The following RIOK2 variants were observed in gnomAD, a reference collection of about 807,000 sequenced individuals.
RIOK2 encodes RIO kinase 2.
A neutral mutation model predicts 62.4 loss-of-function variants in RIOK2; 46 were observed. That is an observed-to-expected ratio of 0.74 (90% CI 0.58 to 0.94). The LOEUF is 0.94. Among genes scored for constraint, RIOK2 ranks in the 40% least tolerant of loss-of-function variants. RIOK2 has a pLI of 0.00. For synonymous variants in RIOK2, 197 were observed against 216.0 expected (o/e 0.91, Z 0.77); for missense variants, 574 against 658.0 (o/e 0.87, Z 1.40).
At chr5:97,174,751 CT>C (rs1247487396) in intron 4 of RIOK2, among the ~76,000 whole-genome samples, 1 of 152,088 alleles carries the variant, frequency 6.6e-6, no homozygotes, top group East Asian at 1.9e-4. Flanking sequence ...ACTGAAGTTT[CT>C]CTAAATTCAG....
rs750021647 is a variant in RIOK2 at position 97,177,105 on chromosome 5, AAAAT to A, written c.498+7_498+10del. 6.2e-7 allele frequency: 1 copy of A among 1,603,588 alleles called. No individual in the cohort carries two copies. The highest frequency in any genetic ancestry group is 2.2e-5 in the East Asian group (1 of 44,740). On this transcript the variant is annotated splice_region_variant and intron_variant, in intron 4 of 9. Transcript: ENST00000283109. ...GCTAAAAAATGCATGACTACAAAAT[AAAAT>A]AAATACCTTCATATAGGCAAATTCC...
chr5:97,167,957 T>C lies in RIOK2; in HGVS notation c.907A>G (p.Ser303Gly). 6.2e-7 allele frequency: 1 copy of C among 1,604,372 alleles called. No individual in the cohort carries two copies. The highest frequency in any genetic ancestry group is 8.5e-7 in the Non-Finnish European group (1 of 1,179,548). ...GCCTGCATTTCCTTTGTGTAGCCACTGGCAGAAACCTCCACATCAAGAGTG... is the reference window on the plus strand; with the variant it reads ...GCCTGCATTTCCTTTGTGTAGCCACCGGCAGAAACCTCCACATCAAGAGTG... The part of the protein sequence containing the change: ...EDTLDVEVSA[S>G]GYTKEMQADD... Residue 303 changes from serine (S) to glycine (G), a missense_variant, in exon 8 of 10, where the codon AGT (serine) becomes GGT (glycine). Physicochemically the swap from Ser to Gly is moderately conservative, Grantham distance 56. Coordinates refer to ENST00000283109, the MANE Select transcript of RIOK2 (RefSeq NM_018343.3).
intron 1 of RIOK2, among the ~76,000 whole-genome samples, chr5:97,182,381 T>C (rs1396239648): frequency 1.3e-5 from 2 of 152,212 alleles, no homozygotes; most frequent in Non-Finnish European, 2.9e-5. Context: ...CTCAAGGCCT[T>C]TGCACTTACT....
At chr5:97,171,444 G>C in intron 5 of RIOK2, 47 bp from the exon 6 acceptor site, 2 of 1,352,234 alleles carry the variant, frequency 1.5e-6, no homozygotes, top group Non-Finnish European at 2.0e-6. Context: ...GTTCATTTAC[G>C]GTTTTAACGA....
intron 9 of RIOK2, among the ~76,000 whole-genome samples, chr5:97,163,573 G>C (rs1291931887): frequency 6.6e-6 from 1 of 152,132 alleles, no homozygotes; most frequent in Non-Finnish European, 1.5e-5. Flanking sequence ...ATTTTTGAAA[G>C]CATTCAGTAT....
At chr5:97,174,674 A>G (rs1013878980) in intron 4 of RIOK2, among the ~76,000 whole-genome samples, 1 of 151,980 alleles carries the variant, frequency 6.6e-6, no homozygotes, top group Non-Finnish European at 1.5e-5. Flanking sequence ...AATAATATCC[A>G]AGCTTCATGG....
At chr5:97,167,420 A>G (rs1278329054) in intron 8 of RIOK2, 47 bp downstream of exon 8, 2 of 1,572,574 alleles carry the variant, frequency 1.3e-6, no homozygotes, top group Non-Finnish European at 1.7e-6. Flanking sequence ...CTAACAAAGT[A>G]TCAGTCTCAA....
intron 1 of RIOK2, among the ~76,000 whole-genome samples, chr5:97,179,992 AATATATATATATTAT>A: frequency 3.1e-5 from 1 of 32,528 alleles, no homozygotes; most frequent in South Asian, 1.0e-3. Flanking sequence ...ATATATATAA[AATATATATATATTAT>A]ATATATATAA....
At chr5:97,166,127 T>C (rs779861044) in intron 8 of RIOK2, 5 of 273,142 alleles carry the variant, frequency 1.8e-5, no homozygotes, top group African/African-American at 2.3e-5. Context: ...AACTGTACCA[T>C]GGGCTCTCCT....
intron 1 of RIOK2, chr5:97,182,781 G>GGA: frequency 6.7e-6 from 1 of 148,268 alleles, no homozygotes; most frequent in Non-Finnish European, 1.4e-5. Context: ...CAAATCTCGG[G>GGA]GGGGGGGGGG....
intron 1 of RIOK2, among the ~76,000 whole-genome samples, chr5:97,179,483 A>G (rs1209866976): frequency 6.6e-6 from 1 of 152,172 alleles, no homozygotes; most frequent in African/African-American, 2.4e-5. Context: ...TTTGTCTTTA[A>G]AAACTACAGA....
At position 97,171,268 on chromosome 5, in the gene RIOK2, A is replaced by G; in HGVS notation, c.717T>C (p.Ser239=). Residue 239 remains serine, a synonymous_variant, in exon 6 of 10, where the codon AGT becomes AGC. Transcript: ENST00000283109. ...GAAAATCAATCATGGTGATATGGTCACTTTCATCCAAAATGAGATTAAATT... is the reference window on the plus strand; with the variant it reads ...GAAAATCAATCATGGTGATATGGTCGCTTTCATCCAAAATGAGATTAAATT... ...FNEFNLILDE[S]DHITMIDFPQ... is the part of the protein sequence containing the mutation. 1.9e-6 allele frequency: 3 copies of G among 1,606,932 alleles called. 1 individual carries two copies. The South Asian group carries it at 3.3e-5, about 18-fold the overall frequency.
chr5:97,169,393 T>C (rs1672797181), intron 6 of RIOK2, among the ~76,000 whole-genome samples: 1 of 152,358 alleles, frequency 6.6e-6, no homozygotes, highest in African/African-American at 2.4e-5. Context: ...TAAATAATGC[T>C]ACAGCCTATA....
chr5:97,169,759 C>T (rs1748947849), intron 6 of RIOK2, among the ~76,000 whole-genome samples: 4 of 152,152 alleles, frequency 2.6e-5, no homozygotes, highest in Admixed American at 2.6e-4. Flanking sequence ...TAGCACAGCT[C>T]CTTGGCCCCA....
intron 1 of RIOK2, among the ~76,000 whole-genome samples, chr5:97,179,551 T>C (rs1749277792): frequency 6.6e-6 from 1 of 151,620 alleles, no homozygotes; most frequent in South Asian, 2.1e-4. Context: ...GTAGGCATCG[T>C]AGAGGATATA....
At chr5:97,170,250 A>G (rs1748964114) in intron 6 of RIOK2, among the ~76,000 whole-genome samples, 1 of 152,204 alleles carries the variant, frequency 6.6e-6, no homozygotes, top group Non-Finnish European at 1.5e-5. Context: ...CAAGCAAATA[A>G]AGGATAAGGT....
intron 8 of RIOK2, 62 bp from the exon 9 acceptor site, chr5:97,165,209 ATTAAT>A: frequency 1.3e-6 from 1 of 769,786 alleles, no homozygotes; most frequent in Non-Finnish European, 1.9e-6. Context: ...ATCCCATTTG[ATTAAT>A]TTATATTATT....
intron 6 of RIOK2, among the ~76,000 whole-genome samples, chr5:97,170,198 GA>G (rs544188328): frequency 7.3e-5 from 11 of 150,562 alleles, no homozygotes; most frequent in Non-Finnish European, 1.6e-4. Flanking sequence ...GGAACAGAAA[GA>G]AAAAAAAATC....
At chr5:97,182,917 G>A in intron 1 of RIOK2, 3 of 625,152 alleles carry the variant, frequency 4.8e-6, no homozygotes, top group Non-Finnish European at 8.6e-6. Context: ...ATTAGAAGAC[G>A]GGACCTTTGC....
Sources: gnomAD v4.1 joint callset for allele counts (sites outside exome capture counted in the v4.1 genomes callset) on GRCh38, gnomAD v4.1.1 for gene constraint, MANE v1.5 for transcripts, NCBI Gene and HGNC (gene_info 2026-07-23, HGNC 2026-07-21) for gene names.